Variants in CNTNAP2 observed in about 807,000 individuals in gnomAD.
CNTNAP2 encodes contactin-associated protein-like 2.
Under a neutral mutation model 155.2 loss-of-function variants are expected in CNTNAP2, and 98 were observed. The ratio of observed to expected loss-of-function variants is 0.63; its 90% CI spans 0.54 to 0.75. CNTNAP2 has a LOEUF of 0.75. CNTNAP2 is among the 30% of genes least tolerant of loss of function. The pLI, the probability that CNTNAP2 is intolerant of heterozygous loss-of-function variation, is 0.00. For missense variants in CNTNAP2, 1,727 were observed against 1,688.1 expected (o/e 1.02, Z -0.40); for synonymous variants, 651 against 631.2 (o/e 1.03, Z -0.47).
intron 15 of CNTNAP2, among the ~76,000 whole-genome samples, chr7:148,048,115 G>A (rs1447505382): frequency 2.0e-5 from 3 of 151,234 alleles, no homozygotes; most frequent in South Asian, 2.1e-4. Context: ...TAGTAGAGAC[G>A]GGGTTTCACC....
intron 13 of CNTNAP2, among the ~76,000 whole-genome samples, chr7:147,751,657 A>G (rs1366984325): frequency 1.3e-5 from 2 of 152,244 alleles, no homozygotes; most frequent in Admixed American, 6.5e-5. Flanking sequence ...ACAATAGCTG[A>G]GTATGTGTTG....
chr7:147,331,704 C>A (rs1795573452), intron 9 of CNTNAP2, among the ~76,000 whole-genome samples: 2 of 152,136 alleles, frequency 1.3e-5, no homozygotes. Flanking sequence ...GAGGGTCAAG[C>A]AGTTGCAGAA....
chr7:148,414,978 G>A (rs139010614), intron 23 of CNTNAP2: 16 of 277,542 alleles, frequency 5.8e-5, no homozygotes, highest in South Asian at 4.6e-5. Flanking sequence ...TAGCTCTCTC[G>A]CGCGCCCACT....
chr7:148,101,350 AGTGT>A (rs4015917), intron 15 of CNTNAP2, among the ~76,000 whole-genome samples: 63,766 of 143,800 alleles, frequency 0.44, 14,452 homozygotes, highest in South Asian at 0.53. Context: ...TAAAAAGTTC[AGTGT>A]GTGTGTGTGT....
At chr7:147,529,283 G>C (rs541585977) in intron 11 of CNTNAP2, among the ~76,000 whole-genome samples, 15 of 152,258 alleles carry the variant, frequency 9.9e-5, no homozygotes, top group African/African-American at 3.6e-4. Flanking sequence ...ACCTGTTCTG[G>C]TGATTCATTT....
At chr7:146,607,131 G>T (rs1482343469) in intron 1 of CNTNAP2, among the ~76,000 whole-genome samples, 1 of 152,108 alleles carries the variant, frequency 6.6e-6, no homozygotes, top group East Asian at 1.9e-4. Flanking sequence ...GATTAGTACT[G>T]ATGGGTCAGT....
At position 147,576,568 on chromosome 7, in the gene CNTNAP2, A is replaced by G. The variant is rs900515047; in HGVS notation, c.1897+14311A>G. 5.3e-5 allele frequency among the ~76,000 whole-genome samples: 8 copies of G among 152,198 alleles called. No individual in the cohort carries two copies. In the East Asian group the frequency reaches 1.4e-3, roughly 26 times the overall value. ...CTAATTTAATGACTGAAAAAGATCT[A>G]TTTAAGAATCAGGCCTCAGTCAGCA... On this transcript the variant is annotated intron_variant, in intron 12 of 23. Transcript: ENST00000361727.
At chr7:148,271,325 G>A (rs576801538) in intron 21 of CNTNAP2, among the ~76,000 whole-genome samples, 1 of 152,320 alleles carries the variant, frequency 6.6e-6, no homozygotes, top group Admixed American at 6.5e-5. Flanking sequence ...TTATGGGGCT[G>A]TCTTGTTCAT....
intron 1 of CNTNAP2, among the ~76,000 whole-genome samples, chr7:146,327,237 AT>A (rs372671010): frequency 2.6e-5 from 4 of 152,210 alleles, no homozygotes; most frequent in African/African-American, 9.6e-5. Flanking sequence ...CAAAATTTTG[AT>A]TTAAGAGCAA....
At chr7:146,954,752 C>T (rs1266617367) in intron 3 of CNTNAP2, among the ~76,000 whole-genome samples, 1 of 151,894 alleles carries the variant, frequency 6.6e-6, no homozygotes, top group Non-Finnish European at 1.5e-5. Flanking sequence ...CTCTCTTACA[C>T]TTTCTTTCAA....
chr7:147,802,850 A>G (rs1798029485), intron 13 of CNTNAP2, among the ~76,000 whole-genome samples: 1 of 150,434 alleles, frequency 6.6e-6, no homozygotes, highest in African/African-American at 2.5e-5. Flanking sequence ...AGTTTTATCA[A>G]CCTGCACTTT....
At chr7:147,568,609 T>C (rs1453268679) in intron 12 of CNTNAP2, among the ~76,000 whole-genome samples, 1 of 152,188 alleles carries the variant, frequency 6.6e-6, no homozygotes, top group African/African-American at 2.4e-5. Context: ...TCCTTCTCCA[T>C]TTTTATGCTC....
intron 3 of CNTNAP2, among the ~76,000 whole-genome samples, chr7:147,032,521 A>G (rs1328803399): frequency 1.3e-5 from 2 of 152,208 alleles, no homozygotes; most frequent in Non-Finnish European, 2.9e-5. Flanking sequence ...CAAAAACCAA[A>G]TGAAGTGAGC....
intron 18 of CNTNAP2, among the ~76,000 whole-genome samples, chr7:148,197,758 G>T (rs952144475): frequency 2.0e-5 from 3 of 152,166 alleles, no homozygotes; most frequent in Non-Finnish European, 4.4e-5. Flanking sequence ...GATCATCATC[G>T]TGTTGCTAAA....
At chr7:148,238,897 G>A (rs1796094153) in intron 20 of CNTNAP2, among the ~76,000 whole-genome samples, 1 of 152,150 alleles carries the variant, frequency 6.6e-6, no homozygotes, top group Non-Finnish European at 1.5e-5. Context: ...ATACTAACAA[G>A]CATATGGATG....
At chr7:146,618,349 A>C (rs951718962) in intron 1 of CNTNAP2, among the ~76,000 whole-genome samples, 1 of 152,142 alleles carries the variant, frequency 6.6e-6, no homozygotes, top group Non-Finnish European at 1.5e-5. Flanking sequence ...TTAAGTTGAG[A>C]CTCATTAATT....
At chr7:147,143,132 C>T (rs1801633999) in intron 8 of CNTNAP2, among the ~76,000 whole-genome samples, 1 of 152,124 alleles carries the variant, frequency 6.6e-6, no homozygotes, top group South Asian at 2.1e-4. Context: ...ATACTTTCAT[C>T]TTTGCTTTTT....
rs192019373 is a variant in CNTNAP2, at chr7:146,530,847, G to A, written c.98-243424G>A. 1.6e-4 allele frequency among the ~76,000 whole-genome samples: 24 copies of A among 152,118 alleles called. 1 individual carries two copies. The highest frequency in any genetic ancestry group is 1.3e-3 in the Admixed American group (20 of 15,266). ...TCAAAAATTTCAAAACAGAATTACC[G>A]TTCCATCCAGCAATTCCATTATTGC... On this transcript the variant is annotated intron_variant, in intron 1 of 23. Coordinates refer to ENST00000361727, the MANE Select transcript of CNTNAP2 (RefSeq NM_014141.6).
intron 21 of CNTNAP2, among the ~76,000 whole-genome samples, chr7:148,353,540 A>G (rs1227746292): frequency 6.6e-6 from 1 of 152,232 alleles, no homozygotes; most frequent in African/African-American, 2.4e-5. Flanking sequence ...ATCTTGGTCT[A>G]CACATTTTCT....
Sources: allele counts gnomAD v4.1 joint callset (sites outside exome capture counted in the v4.1 genomes callset), GRCh38; gene constraint gnomAD v4.1.1; transcripts MANE v1.5; gene names NCBI Gene and HGNC (gene_info 2026-07-23, HGNC 2026-07-21).